PAN3: variants seen among roughly 807,000 people sequenced by gnomAD.
PAN3 encodes poly(A) specific ribonuclease subunit PAN3, also known as PAN2-PAN3 deadenylation complex subunit PAN3.
PAN3 carries 19 observed loss-of-function variants against 96.2 expected under a neutral mutation model. The ratio of observed to expected loss-of-function variants is 0.20; its 90% CI spans 0.14 to 0.29. The LOEUF is 0.29. PAN3 is among the 10% of genes least tolerant of loss of function. The pLI, the probability that PAN3 is intolerant of heterozygous loss-of-function variation, is 1.00. For synonymous variants in PAN3, 433 were observed against 406.6 expected, an observed-to-expected ratio of 1.06 and a Z score of -0.78; for missense variants, 882 against 1,108.1, an observed-to-expected ratio of 0.80 and a Z score of 2.90.
At chr13:28,153,133 T>C (rs1176212371) in intron 1 of PAN3, among the ~76,000 whole-genome samples, 3 of 151,800 alleles carry the variant, frequency 2.0e-5, no homozygotes. Context: ...TATAGCAGGA[T>C]ATCATACAGC....
At chr13:28,228,812 T>A (rs1237030394) in intron 6 of PAN3, among the ~76,000 whole-genome samples, 1 of 152,170 alleles carries the variant, frequency 6.6e-6, no homozygotes, top group Non-Finnish European at 1.5e-5. Flanking sequence ...TTAATATAGG[T>A]CATAATCTTA....
chr13:28,241,096 A>T (rs1169364834), intron 6 of PAN3, among the ~76,000 whole-genome samples: 3 of 152,140 alleles, frequency 2.0e-5, no homozygotes. Context: ...CCCTGTCTCT[A>T]CAAAAAATAC....
At chr13:28,220,174 T>G (rs776926734) in intron 5 of PAN3, 57 bp from the exon 6 acceptor site, 93 of 1,526,514 alleles carry the variant, frequency 6.1e-5, no homozygotes, top group Non-Finnish European at 8.1e-5. Flanking sequence ...CCTAGTAGAT[T>G]CAATGTCTTT....
At chr13:28,178,565 T>C (rs542965076) in intron 4 of PAN3, among the ~76,000 whole-genome samples, 1 of 152,116 alleles carries the variant, frequency 6.6e-6, no homozygotes, top group Non-Finnish European at 1.5e-5. Flanking sequence ...AAGATAGTCT[T>C]TTTTGGTTAG....
At chr13:28,214,535 T>C (rs1880490623) in intron 5 of PAN3, 1 of 295,284 alleles carries the variant, frequency 3.4e-6, no homozygotes, top group East Asian at 9.7e-5. Flanking sequence ...GAGACTTTTA[T>C]CAACATTGTC....
intron 6 of PAN3, among the ~76,000 whole-genome samples, chr13:28,221,188 A>G (rs956125420): frequency 1.3e-5 from 2 of 152,128 alleles, no homozygotes; most frequent in East Asian, 1.9e-4. Context: ...CCACTGCTGT[A>G]TACCTTGATT....
At chr13:28,223,933 T>C (rs1050065403) in intron 6 of PAN3, among the ~76,000 whole-genome samples, 1 of 135,660 alleles carries the variant, frequency 7.4e-6, no homozygotes, top group Non-Finnish European at 1.5e-5. Context: ...CAGGCTGGAG[T>C]GCGTGGCTCA....
At chr13:28,169,143 G>A (rs1037835124) in intron 1 of PAN3, among the ~76,000 whole-genome samples, 2 of 151,416 alleles carry the variant, frequency 1.3e-5, no homozygotes, top group Non-Finnish European at 2.9e-5. Flanking sequence ...TGGTAATTAA[G>A]GTCACTCACA....
chr13:28,164,862 T>C (rs1464227270), intron 1 of PAN3, among the ~76,000 whole-genome samples: 1 of 152,206 alleles, frequency 6.6e-6, no homozygotes, highest in East Asian at 1.9e-4. Context: ...GTTATAATTG[T>C]GTACATTTAT....
In PAN3 at chr13:28,177,912, C is replaced by T; in HGVS notation, c.667C>T (p.Leu223Phe). Residue 223 changes from leucine (L) to phenylalanine (F), a missense_variant, in exon 4 of 19, where the codon CTC becomes TTC. Around this residue, in one of 3 missense-constraint regions of PAN3, gnomAD observed 442 missense variants for 422.8 expected, o/e 1.05. Transcript: ENST00000380958. ...ASSLFNDFGALNISQRRKPRK... is the reference protein window; with the variant it reads ...ASSLFNDFGAFNISQRRKPRK... Reference sequence around the variant, plus strand: ...ATCCTTGTTTAATGACTTTGGTGCCCTCAACATCTCTCAGAGACGAAAGGT... The same window carrying T: ...ATCCTTGTTTAATGACTTTGGTGCCTTCAACATCTCTCAGAGACGAAAGGT... The T allele has an allele frequency of 6.2e-7, 1 of 1,611,164 alleles. No individual in the cohort carries two copies. Among genetic ancestry groups the T allele is most frequent in the Non-Finnish European group, 8.5e-7 (1 of 1,177,604 alleles).
intron 1 of PAN3, among the ~76,000 whole-genome samples, chr13:28,158,002 A>G (rs1372047914): frequency 6.6e-6 from 1 of 152,336 alleles, no homozygotes; most frequent in Middle Eastern, 3.4e-3. Context: ...AAACAGTGAC[A>G]TAGACCAATA....
intron 4 of PAN3, among the ~76,000 whole-genome samples, chr13:28,196,750 A>G (rs1878105098): frequency 6.6e-6 from 1 of 152,160 alleles, no homozygotes. Context: ...GGTGAGCTGA[A>G]AAAGTTGTAG....
At chr13:28,184,456 G>A (rs17760618) in intron 4 of PAN3, among the ~76,000 whole-genome samples, 7,290 of 152,114 alleles carry the variant, frequency 0.048, 273 homozygotes, top group South Asian at 0.15. Context: ...ACTCTAGGGT[G>A]AAAAATAGGC....
chr13:28,239,390 G>GT (rs2138491838), intron 6 of PAN3, among the ~76,000 whole-genome samples: 1 of 152,204 alleles, frequency 6.6e-6, no homozygotes, highest in African/African-American at 2.4e-5. Flanking sequence ...CAATCTCACT[G>GT]TAACTGAGTG....
At chr13:28,156,313 A>G (rs922088502) in intron 1 of PAN3, among the ~76,000 whole-genome samples, 1 of 152,218 alleles carries the variant, frequency 6.6e-6, no homozygotes, top group African/African-American at 2.4e-5. Flanking sequence ...AACCTACAAT[A>G]AATGGATATA....
intron 5 of PAN3, among the ~76,000 whole-genome samples, chr13:28,214,283 G>A (rs1391033549): frequency 6.6e-6 from 1 of 152,156 alleles, no homozygotes; most frequent in Non-Finnish European, 1.5e-5. Context: ...CTTCACAGCA[G>A]CTTTATTTGT....
intron 5 of PAN3, among the ~76,000 whole-genome samples, chr13:28,201,975 C>G (rs1308874220): frequency 6.6e-6 from 1 of 152,144 alleles, no homozygotes; most frequent in East Asian, 1.9e-4. Flanking sequence ...TATACTCCTT[C>G]TTCAGTTTAT....
chr13:28,252,187 CCT>C (rs956827502), intron 6 of PAN3, among the ~76,000 whole-genome samples: 2 of 133,024 alleles, frequency 1.5e-5, no homozygotes, highest in African/African-American at 6.3e-5. Flanking sequence ...TGCGACGGGC[CCT>C]TTTTTTTTTT....
chr13:28,222,726 G>T (rs549058476), intron 6 of PAN3, among the ~76,000 whole-genome samples: 2 of 152,212 alleles, frequency 1.3e-5, no homozygotes, highest in South Asian at 2.1e-4. Context: ...AATAAATAAA[G>T]AGTTTATTTA....
Sources: gnomAD v4.1 joint callset for allele counts (sites outside exome capture counted in the v4.1 genomes callset) on GRCh38, gnomAD v4.1.1 for gene constraint, gnomAD v4.1.1 regional missense constraint, MANE v1.5 for transcripts, NCBI Gene and HGNC (gene_info 2026-07-23, HGNC 2026-07-21) for gene names.